The following PIERCE2 variants were observed in gnomAD, a reference collection of about 807,000 sequenced individuals.
The protein encoded by PIERCE2 is piercer of microtubule wall 2 protein.
chr15:55,414,648 G>A, the PIERCE2 span, among the ~76,000 whole-genome samples: 13 of 151,954 alleles, frequency 8.6e-5, no homozygotes, highest in Admixed American at 2.6e-4. Context: ...GGAGGTTGAG[G>A]CGGGTGGATC....
the PIERCE2 span, chr15:55,418,710 T>C: frequency 1.6e-6 from 1 of 618,724 alleles, no homozygotes; most frequent in East Asian, 2.9e-5. Context: ...TTTCAACTGA[T>C]AACTACATGA....
At chr15:55,418,297 T>G in the PIERCE2 span, 1 of 1,549,136 alleles carries the variant, frequency 6.5e-7, no homozygotes, top group Non-Finnish European at 8.7e-7. Flanking sequence ...GTGTGAACCC[T>G]GGCAATCCTG....
the PIERCE2 span, among the ~76,000 whole-genome samples, chr15:55,410,333 T>C: frequency 1.6e-4 from 24 of 152,262 alleles, no homozygotes; most frequent in African/African-American, 5.8e-4. Context: ...AGAGGGTCAT[T>C]TGATAACAAG....
chr15:55,411,640 G>A, the PIERCE2 span, among the ~76,000 whole-genome samples: 4 of 152,060 alleles, frequency 2.6e-5, no homozygotes, highest in Middle Eastern at 3.4e-3. Context: ...ACAAAAATTA[G>A]GCTAGGCACG....
chr15:55,418,385 A>G, the PIERCE2 span: 1 of 1,535,680 alleles, frequency 6.5e-7, no homozygotes, highest in South Asian at 1.2e-5. Context: ...TATGTATAAA[A>G]CCAATTCAAG....
chr15:55,412,632 C>G, the PIERCE2 span, among the ~76,000 whole-genome samples: 1 of 152,138 alleles, frequency 6.6e-6, no homozygotes, highest in Non-Finnish European at 1.5e-5. Flanking sequence ...AAGCTGGACA[C>G]TGTGGCATGT....
the PIERCE2 span, among the ~76,000 whole-genome samples, chr15:55,411,692 C>T: frequency 1.3e-5 from 2 of 151,968 alleles, no homozygotes; most frequent in East Asian, 3.9e-4. Flanking sequence ...GAGGCCGAGG[C>T]GGGCGGATCA....
At chr15:55,409,840 C>T in the PIERCE2 span, among the ~76,000 whole-genome samples, 1 of 152,148 alleles carries the variant, frequency 6.6e-6, no homozygotes, top group African/African-American at 2.4e-5. Context: ...GATTTTTATA[C>T]CTTTCAAGCC....
chr15:55,417,471 G>A, the PIERCE2 span, among the ~76,000 whole-genome samples: 1 of 151,688 alleles, frequency 6.6e-6, no homozygotes, highest in Non-Finnish European at 1.5e-5. Context: ...TATTCAGTTA[G>A]CTATGTAATT....
the PIERCE2 span, chr15:55,418,111 A>G: frequency 9.5e-6 from 15 of 1,586,160 alleles, no homozygotes; most frequent in African/African-American, 5.5e-5. Flanking sequence ...CTGACATTCA[A>G]TGCCCTCAAG....
the PIERCE2 span, among the ~76,000 whole-genome samples, chr15:55,415,720 T>G: frequency 6.6e-6 from 1 of 152,172 alleles, no homozygotes; most frequent in Non-Finnish European, 1.5e-5. Flanking sequence ...AATGTCTGTA[T>G]TCTACAGATA....
chr15:55,409,702 T>C, the PIERCE2 span, among the ~76,000 whole-genome samples: 1 of 152,166 alleles, frequency 6.6e-6, no homozygotes, highest in Non-Finnish European at 1.5e-5. Flanking sequence ...TATTAATCAA[T>C]GGCTTGTTTT....
At chr15:55,418,496 C>G in the PIERCE2 span, 1 of 1,527,862 alleles carries the variant, frequency 6.5e-7, no homozygotes, top group East Asian at 2.4e-5. Context: ...TGGATTTTAT[C>G]AAAATAACAC....
chr15:55,416,059 A>C, the PIERCE2 span, among the ~76,000 whole-genome samples: 1 of 152,006 alleles, frequency 6.6e-6, no homozygotes, highest in Non-Finnish European at 1.5e-5. Context: ...CATTTTTTAG[A>C]GTTTTTCATG....
the PIERCE2 span, among the ~76,000 whole-genome samples, chr15:55,412,899 G>A: frequency 6.6e-6 from 1 of 152,130 alleles, no homozygotes; most frequent in African/African-American, 2.4e-5. Context: ...GGAAGCCAAG[G>A]CAGGAGGATT....
chr15:55,418,609 G>T, the PIERCE2 span: 1 of 1,279,748 alleles, frequency 7.8e-7, no homozygotes, highest in Non-Finnish European at 1.0e-6. Context: ...AAATATACTC[G>T]GGAAAAATGA....
At chr15:55,408,783 C>CGAA in the PIERCE2 span, 2 of 1,522,114 alleles carry the variant, frequency 1.3e-6, no homozygotes, top group African/African-American at 2.8e-5. Context: ...CAGACCGCAA[C>CGAA]CGGGTGAGTT....
chr15:55,415,239 A>G, the PIERCE2 span, among the ~76,000 whole-genome samples: 1 of 151,998 alleles, frequency 6.6e-6, no homozygotes, highest in African/African-American at 2.4e-5. Context: ...AGGCCGAGGC[A>G]GGTGGATCAC....
At chr15:55,413,777 A>AGG in the PIERCE2 span, among the ~76,000 whole-genome samples, 1 of 151,694 alleles carries the variant, frequency 6.6e-6, no homozygotes, top group African/African-American at 2.4e-5. Context: ...AAAAAAAAAA[A>AGG]AAGACTGTTT....
Sources: gnomAD v4.1 joint callset for allele counts (sites outside exome capture counted in the v4.1 genomes callset) on GRCh38, gnomAD v4.1.1 for gene constraint, MANE v1.5 for transcripts, NCBI Gene and HGNC (gene_info 2026-07-23, HGNC 2026-07-21) for gene names.